DZIP1: variants seen among roughly 807,000 people sequenced by gnomAD.
DZIP1 encodes the protein cilium assembly protein DZIP1.
DZIP1 carries 97 observed loss-of-function variants against 107.6 expected under a neutral mutation model. That is an observed-to-expected ratio of 0.90 (90% CI 0.77 to 1.07). The LOEUF (loss-of-function observed/expected upper bound fraction) is 1.07, where lower values mean the gene tolerates loss of function less well. DZIP1 is among the 50% of genes least tolerant of loss of function. DZIP1 has a pLI of 0.00. For missense variants in DZIP1, 1,035 were observed against 1,063.6 expected (o/e 0.97, Z 0.37); for synonymous variants, 390 against 386.4 (o/e 1.01, Z -0.11).
rs1399749437 is a variant in DZIP1 at position 95,587,543 on chromosome 13, G to A, written c.2214C>T (p.Pro738=). Residue 738 remains proline, a synonymous_variant, in exon 20 of 23, where the codon CCC becomes CCT. Transcript: ENST00000376829. ...TTTTCCAAGGTAACAGCTCACCTGC[G>A]GGCTTGGGAGAATCATCAGTGTCCT... The part of the protein sequence containing the change: ...EIEDTDDSPK[P]AGVAVKTPTE... 1.1e-5 allele frequency: 17 copies of A among 1,613,558 alleles called. No homozygotes were observed. Among genetic ancestry groups the A allele is most frequent in the East Asian group, 2.2e-5 (1 of 44,834 alleles).
At chr13:95,601,833 T>C (rs1172784536) in intron 14 of DZIP1, among the ~76,000 whole-genome samples, 1 of 152,194 alleles carries the variant, frequency 6.6e-6, no homozygotes, top group Admixed American at 6.5e-5. Context: ...TGACTTTCCT[T>C]GGTCCTGGCC....
intron 16 of DZIP1, among the ~76,000 whole-genome samples, chr13:95,592,320 T>C (rs897520446): frequency 2.0e-5 from 3 of 152,168 alleles, no homozygotes; most frequent in Middle Eastern, 3.2e-3. Context: ...CAATTAAAAT[T>C]AAAACTCAAA....
intron 14 of DZIP1, among the ~76,000 whole-genome samples, chr13:95,603,306 CAAAAAAAA>C (rs34995131): frequency 0.018 from 844 of 47,952 alleles, 13 homozygotes; most frequent in African/African-American, 0.066. Context: ...TGCCCAGTCT[CAAAAAAAA>C]AAAAAAAAAA....
In DZIP1 at chr13:95,599,412, G is replaced by A. The variant is rs574316387; in HGVS notation, c.1490C>T (p.Ser497Leu). ...TTCTATTGGTTCCAGTATGTGCGAC[G>A]AGAATGCCTGTTCTATTAACAAGGA... is the stretch of plus-strand genomic sequence containing the variant. The part of the protein sequence containing the change: ...SLPMVHEQAF[S>L]SHILEPIEEL... Residue 497 changes from serine to leucine, a missense_variant, in exon 15 of 23, where the codon TCG (serine) becomes TTG (leucine). Physicochemically the swap from Ser to Leu is moderately radical, Grantham distance 145. Transcript: ENST00000376829. The A allele has an allele frequency of 2.1e-5, 34 of 1,613,432 alleles. No individual in the cohort carries two copies. Among genetic ancestry groups the A allele is most frequent in the Admixed American group, 1.3e-4 (8 of 60,020 alleles).
At chr13:95,627,030 G>C (rs1056965859) in intron 7 of DZIP1, among the ~76,000 whole-genome samples, 1 of 152,164 alleles carries the variant, frequency 6.6e-6, no homozygotes, top group African/African-American at 2.4e-5. Flanking sequence ...ATATGCAACT[G>C]TAAGAGGCCA....
In DZIP1 at chr13:95,586,121, G is replaced by GTTT; in HGVS notation, c.2231_2233dup (p.Lys744dup). The GTTT allele has an allele frequency of 6.2e-7, 1 of 1,609,386 alleles. No homozygotes were observed. The highest frequency in any genetic ancestry group is 8.5e-7 in the Non-Finnish European group (1 of 1,178,632). On this transcript the variant is annotated inframe_insertion, in exon 21 of 23. Coordinates refer to ENST00000376829, the MANE Select transcript of DZIP1 (RefSeq NM_198968.4). The stretch of plus-strand genomic sequence containing the variant: ...CATCTTTTCAACTTTTTCAGTAGGT[G>GTTT]TTTTAACGGCGACTCCTATAAGATC...
intron 19 of DZIP1, 118 bp from the exon 20 acceptor site, chr13:95,587,847 C>G: frequency 7.8e-7 from 1 of 1,287,686 alleles, no homozygotes; most frequent in Non-Finnish European, 1.0e-6. Context: ...TCAGTGGGCA[C>G]AAGTGCCTTT....
In DZIP1 at chr13:95,609,458, A is replaced by G. The variant is rs1164977402; in HGVS notation, c.1419T>C (p.Pro473=). ...CCTGCATCTATTATAGGAACTTACT[A>G]GGCACAGCTGGAGCAGCTGGCTGAG... The part of the protein sequence containing the change: ...FESQPAAPAV[P]MNAPALHTLE... Residue 473 remains proline, a splice_region_variant and synonymous_variant, in exon 13 of 23, where the codon CCT becomes CCC. Coordinates refer to ENST00000376829, the MANE Select transcript of DZIP1 (RefSeq NM_198968.4). 1.3e-6 allele frequency: 2 copies of G among 1,569,810 alleles called. No homozygotes were observed. Among genetic ancestry groups the G allele is most frequent in the Non-Finnish European group, 1.7e-6 (2 of 1,159,268 alleles).
At position 95,612,045 on chromosome 13, in the gene DZIP1, T is replaced by G; in HGVS notation, c.1306A>C (p.Arg436=). Residue 436 remains arginine, a synonymous_variant, in exon 11 of 23, where the codon AGA becomes CGA. Transcript: ENST00000376829. Reference sequence around the variant, plus strand: ...ACTGCCGCCAGACATACCTGCTGTCTCTGAGTTATAATCAGCTCATTCTGC... The same window carrying G: ...ACTGCCGCCAGACATACCTGCTGTCGCTGAGTTATAATCAGCTCATTCTGC... ...QEQNELIITQ[R]QQIKDFTCNP... 1 of 1,613,584 alleles carries G rather than the reference T, an allele frequency of 6.2e-7. No individual in the cohort carries two copies. The highest frequency in any genetic ancestry group is 2.2e-5 in the East Asian group (1 of 44,886).
chr13:95,600,590 TGATAGATAGATA>T (rs1555306564), intron 14 of DZIP1, among the ~76,000 whole-genome samples: 13 of 141,784 alleles, frequency 9.2e-5, no homozygotes, highest in East Asian at 4.2e-4. Flanking sequence ...GATAGATAGA[TGATAGATAGATA>T]GATAGATAGA....
intron 10 of DZIP1, among the ~76,000 whole-genome samples, chr13:95,613,313 G>C (rs2139145929): frequency 1.3e-5 from 2 of 152,262 alleles, no homozygotes; most frequent in South Asian, 4.1e-4. Flanking sequence ...AGGAGTTTCA[G>C]ACCAGCCTGG....
At chr13:95,599,319 T>C (rs766521230) in intron 15 of DZIP1, 46 bp downstream of exon 15, 3 of 1,540,360 alleles carry the variant, frequency 1.9e-6, no homozygotes, top group Non-Finnish European at 2.7e-6. Flanking sequence ...GATTTTGGCA[T>C]ATAAATATAA....
Position 95,641,475 on chromosome 13 carries a change from G to C in DZIP1, c.417C>G (p.Thr139=), listed in dbSNP as rs1181930067. The change falls in exon 5 of 23, where the codon ACC becomes ACG. Residue 139 remains threonine (T), a synonymous_variant. Transcript: ENST00000376829. This position sits in a 1 kb window ranked among gnomAD's most constrained non-coding sequence, Gnocchi z 4.3. ...EYLLHSQEFL[T]SQLHTLEERL... is the part of the protein sequence containing the mutation. ...GCTCCTCCAGGGTGTGCAGCTGCGA[G>C]GTGAGGAACTCTTGTGAGTGCAGCA... The C allele has an allele frequency of 6.2e-7, 1 of 1,614,016 alleles. No individual in the cohort carries two copies. The highest frequency in any genetic ancestry group is 8.5e-7 in the Non-Finnish European group (1 of 1,180,036).
intron 19 of DZIP1, 63 bp downstream of exon 19, chr13:95,589,091 A>G: frequency 7.4e-7 from 1 of 1,346,412 alleles, no homozygotes; most frequent in Non-Finnish European, 1.1e-6. Flanking sequence ...CTACTTTAAA[A>G]TGAAAGGAAT....
rs2043998340 is a variant in DZIP1, at chr13:95,580,459, G to A, written c.*1775C>T. 1 of 151,864 alleles carries A rather than the reference G, an allele frequency of 6.6e-6. No homozygotes were observed. The highest frequency in any genetic ancestry group is 1.5e-5 in the Non-Finnish European group (1 of 68,018). The allele number at this position is 151,864 out of a possible 1,614,324, so 9.4% of individuals were successfully genotyped here. A position where few individuals can be genotyped will look rare whatever the true frequency, so the allele number is the denominator to read the frequency against. On this transcript the variant is annotated 3_prime_UTR_variant, in exon 23 of 23. Coordinates refer to ENST00000376829, the MANE Select transcript of DZIP1 (RefSeq NM_198968.4). ...ACTTAGCAAAAGTTCATTTCCCCAA[G>A]CTCTTCTGCTCAGGAATGAAAACAT...
At chr13:95,626,896 G>A (rs536335282) in intron 7 of DZIP1, among the ~76,000 whole-genome samples, 12 of 152,268 alleles carry the variant, frequency 7.9e-5, no homozygotes, top group African/African-American at 2.9e-4. Flanking sequence ...GACATCCCAT[G>A]TTCATGGATT....
chr13:95,622,606 C>T lies in DZIP1; in HGVS notation c.973-126G>A, dbSNP rs1876025564. On this transcript the variant is annotated intron_variant, in intron 8 of 22. Transcript: ENST00000376829. ...GCCCTCTTGGACGCTCCTGGACGCT[C>T]TTGGACGCTTCTCCTGCTTCTGCTT... 3 of 1,017,514 alleles carry T rather than the reference C, an allele frequency of 2.9e-6. 1 individual carries two copies. In the South Asian group the frequency reaches 4.6e-5, roughly 15 times the overall value. The allele number at this position is 1,017,514 out of a possible 1,614,324, so 63.0% of individuals were successfully genotyped here.
chr13:95,596,906 A>G (rs1042214939), intron 15 of DZIP1, among the ~76,000 whole-genome samples: 1 of 152,256 alleles, frequency 6.6e-6, no homozygotes, highest in South Asian at 2.1e-4. Flanking sequence ...ATCTGCTGCC[A>G]GTATGTTAAC....
rs1315652282 is a variant in DZIP1 at position 95,582,200 on chromosome 13, G to A, written c.*34C>T. 3 of 1,597,446 alleles carry A rather than the reference G, an allele frequency of 1.9e-6. No homozygotes were observed. The highest frequency in any genetic ancestry group is 2.6e-6 in the Non-Finnish European group (3 of 1,165,122). On this transcript the variant is annotated 3_prime_UTR_variant, in exon 23 of 23. Transcript: ENST00000376829. Reference sequence around the variant, plus strand: ...TGAAACACTGTGATACTGAAATACTGCTGGCTTCTGGAATAATCTTCTGAC... The same window carrying A: ...TGAAACACTGTGATACTGAAATACTACTGGCTTCTGGAATAATCTTCTGAC...
Sources: allele counts gnomAD v4.1 joint callset (sites outside exome capture counted in the v4.1 genomes callset), GRCh38; gene constraint gnomAD v4.1.1; non-coding constraint Gnocchi (gnomAD v3.1); transcripts MANE v1.5; gene names NCBI Gene and HGNC (gene_info 2026-07-23, HGNC 2026-07-21).